Variants in DNAH11 observed in about 807,000 individuals in gnomAD.
DNAH11 encodes axonemal beta dynein heavy chain 11.
DNAH11 carries 442 observed loss-of-function variants against 526.0 expected under a neutral mutation model. That is an observed-to-expected ratio of 0.84 (90% CI 0.78 to 0.91). The LOEUF is 0.91. Among genes scored for constraint, DNAH11 ranks in the 40% least tolerant of loss-of-function variants. The pLI, the probability that DNAH11 is intolerant of heterozygous loss-of-function variation, is 0.00. For synonymous variants in DNAH11, 2,461 were observed against 1,935.9 expected, an observed-to-expected ratio of 1.27 and a Z score of -7.12; for missense variants, 6,989 against 5,448.7, an observed-to-expected ratio of 1.28 and a Z score of -8.90.
rs73279889 is a variant in DNAH11, at chr7:21,884,794, T to A, written c.12507+384T>A. ...GCCACTAGGTTGGCACAGGCAAGAG[T>A]TTTGTGCGTCTTTTGATAGAAGTCT... is the stretch of plus-strand genomic sequence containing the variant. On this transcript the variant is annotated intron_variant, in intron 76 of 81. Coordinates refer to ENST00000409508, the MANE Select transcript of DNAH11 (RefSeq NM_001277115.2). 3.8e-3 allele frequency among the ~76,000 whole-genome samples: 574 copies of A among 152,212 alleles called. 1 individual carries two copies. The highest frequency in any genetic ancestry group is 0.013 in the African/African-American group (534 of 41,540).
At chr7:21,685,138 T>C (rs377212830) in intron 32 of DNAH11, among the ~76,000 whole-genome samples, 3 of 152,376 alleles carry the variant, frequency 2.0e-5, no homozygotes, top group East Asian at 3.9e-4. Context: ...CTAACTTGTC[T>C]CTGATTAAAA....
At position 21,545,166 on chromosome 7, in the gene DNAH11, A is replaced by C. The variant is rs766688633; in HGVS notation, c.495+17A>C. 50 of 1,588,326 alleles carry C rather than the reference A, an allele frequency of 3.1e-5. No individual in the cohort carries two copies. Among genetic ancestry groups the C allele is most frequent in the Non-Finnish European group, 4.2e-5 (49 of 1,167,212 alleles). ...CTTGATGAGGTACTGGTCTGTCTTTAATATTTAAAGCTTTCACTTATCTCC... is the reference window on the plus strand; with the variant it reads ...CTTGATGAGGTACTGGTCTGTCTTTCATATTTAAAGCTTTCACTTATCTCC... On this transcript the variant is annotated intron_variant, in intron 2 of 81. Coordinates refer to ENST00000409508, the MANE Select transcript of DNAH11 (RefSeq NM_001277115.2).
Position 21,894,673 on chromosome 7 carries a change from C to A in DNAH11, c.12801C>A (p.Asn4267Lys), listed in dbSNP as rs375975851. 3 of 1,613,980 alleles carry A rather than the reference C, an allele frequency of 1.9e-6. No individual in the cohort carries two copies. The highest frequency in any genetic ancestry group is 2.5e-6 in the Non-Finnish European group (3 of 1,179,866). ...TGGAGAAACTTCCAGAAGAGTTCAACATGGCAGAGATAATGCAAAAAAATT... is the reference window on the plus strand; with the variant it reads ...TGGAGAAACTTCCAGAAGAGTTCAAAATGGCAGAGATAATGCAAAAAAATT... Reference protein sequence around the residue: ...DILEKLPEEFNMAEIMQKNSN... With the variant: ...DILEKLPEEFKMAEIMQKNSN... Residue 4267 changes from asparagine to lysine, a missense_variant, in exon 78 of 82, where the codon AAC becomes AAA. Coordinates refer to ENST00000409508, the MANE Select transcript of DNAH11 (RefSeq NM_001277115.2).
At chr7:21,848,372 T>C (rs1312906126) in intron 66 of DNAH11, among the ~76,000 whole-genome samples, 1 of 152,054 alleles carries the variant, frequency 6.6e-6, no homozygotes, top group Non-Finnish European at 1.5e-5. Flanking sequence ...AATTTTTATA[T>C]TTAAAGTGGG....
intron 9 of DNAH11, among the ~76,000 whole-genome samples, chr7:21,585,530 C>G (rs1162126370): frequency 1.3e-5 from 2 of 152,164 alleles, no homozygotes; most frequent in South Asian, 2.1e-4. Context: ...CTATTCTACT[C>G]TAATATAAAA....
chr7:21,691,077 A>G (rs1031213238), intron 35 of DNAH11, among the ~76,000 whole-genome samples, 196 bp downstream of exon 35: 14 of 152,172 alleles, frequency 9.2e-5, no homozygotes, highest in African/African-American at 3.1e-4. Context: ...AGGACTCAAA[A>G]TCAGTATTTA....
rs1784654067 is a variant in DNAH11, at chr7:21,590,982, C to T, written c.2234C>T (p.Ser745Leu). 2.6e-6 allele frequency: 4 copies of T among 1,517,974 alleles called. No individual in the cohort carries two copies. Among genetic ancestry groups the T allele is most frequent in the African/African-American group, 1.4e-5 (1 of 69,226 alleles). The allele number at this position is 1,517,974 out of a possible 1,614,324, so 94.0% of individuals were successfully genotyped here. Reference protein sequence around the residue: ...LMLKKQDIPDSALAIFKKRNT... With the variant: ...LMLKKQDIPDLALAIFKKRNT... ...TTGAAGAAACAAGACATACCAGATT[C>T]AGCTTTAGCCATCTTCAAGAAAAGG... is the stretch of plus-strand genomic sequence containing the variant. The change falls in exon 13 of 82, where the codon TCA becomes TTA. Residue 745 changes from serine to leucine, a missense_variant. Physicochemically the swap from Ser to Leu is moderately radical, Grantham distance 145. Transcript: ENST00000409508.
rs565458206 is a variant in DNAH11, at chr7:21,864,689, G to A, written c.11496+32G>A. The stretch of plus-strand genomic sequence containing the variant: ...TAGGAATACAGTTTCTCAAATTCTG[G>A]ATCTTATTTAAAATATTAGCTCTCT... On this transcript the variant is annotated intron_variant, in intron 70 of 81. Transcript: ENST00000409508. 701 of 1,543,200 alleles carry A rather than the reference G, an allele frequency of 4.5e-4. 11 individuals carry two copies. The South Asian group carries it at 8.4e-3, about 18-fold the overall frequency.
At position 21,866,483 on chromosome 7, in the gene DNAH11, T is replaced by A. The variant is rs753898160; in HGVS notation, c.11510T>A (p.Met3837Lys). ...ATCATATTACAGGCAATTGCCGTCATGGAAGAATTTCGAGGCATAGACCGA... is the reference window on the plus strand; with the variant it reads ...ATCATATTACAGGCAATTGCCGTCAAGGAAGAATTTCGAGGCATAGACCGA... ...SWSAIKAIAV[M>K]EEFRGIDRDV... Residue 3837 changes from methionine (M) to lysine (K), a missense_variant, in exon 71 of 82, where the codon ATG (methionine) becomes AAG (lysine). Coordinates refer to ENST00000409508, the MANE Select transcript of DNAH11 (RefSeq NM_001277115.2). 4 of 1,611,022 alleles carry A rather than the reference T, an allele frequency of 2.5e-6. No individual in the cohort carries two copies. In the South Asian group the frequency reaches 4.4e-5, roughly 18 times the overall value.
chr7:21,748,015 C>A (rs535786151), intron 51 of DNAH11, among the ~76,000 whole-genome samples: 5 of 152,268 alleles, frequency 3.3e-5, no homozygotes. Flanking sequence ...GACAACAAAG[C>A]TCTAAGAGAA....
intron 28 of DNAH11, among the ~76,000 whole-genome samples, chr7:21,650,999 T>A (rs889103570): frequency 2.0e-5 from 3 of 151,734 alleles, no homozygotes; most frequent in African/African-American, 7.3e-5. Context: ...TTTTGACACA[T>A]TGACTTAAGT....
intron 29 of DNAH11, among the ~76,000 whole-genome samples, chr7:21,656,409 T>C (rs1782017471): frequency 6.6e-6 from 1 of 152,166 alleles, no homozygotes; most frequent in Non-Finnish European, 1.5e-5. Context: ...CAGTAGTCCA[T>C]TGTGAATGTT....
chr7:21,676,121 G>A (rs2128470743), intron 30 of DNAH11, among the ~76,000 whole-genome samples: 1 of 152,248 alleles, frequency 6.6e-6, no homozygotes, highest in Non-Finnish European at 1.5e-5. Flanking sequence ...AAGACTTTGT[G>A]CTCCAGGAAC....
At chr7:21,846,486 C>T (rs1782425943) in intron 66 of DNAH11, among the ~76,000 whole-genome samples, 1 of 152,102 alleles carries the variant, frequency 6.6e-6, no homozygotes, top group South Asian at 2.1e-4. Context: ...GATATGACTA[C>T]ATTTTTCTTC....
intron 2 of DNAH11, among the ~76,000 whole-genome samples, chr7:21,549,584 A>G (rs1248060969): frequency 6.6e-6 from 1 of 152,056 alleles, no homozygotes; most frequent in Non-Finnish European, 1.5e-5. Context: ...TATAACCGAG[A>G]TGCTACTTTT....
intron 2 of DNAH11, among the ~76,000 whole-genome samples, chr7:21,556,612 G>C (rs1783226491): frequency 6.6e-6 from 1 of 152,146 alleles, no homozygotes; most frequent in South Asian, 2.1e-4. Flanking sequence ...TATACAGAGA[G>C]TTTGTTACCC....
intron 32 of DNAH11, 64 bp from the exon 33 acceptor site, chr7:21,687,035 G>T: frequency 6.8e-7 from 1 of 1,480,328 alleles, no homozygotes; most frequent in Admixed American, 2.2e-5. Context: ...CTAATGTATT[G>T]CCTCTGATGT....
intron 37 of DNAH11, among the ~76,000 whole-genome samples, chr7:21,704,114 A>G (rs1046005448): frequency 6.6e-6 from 1 of 152,194 alleles, no homozygotes; most frequent in East Asian, 1.9e-4. Context: ...GATTAATTTA[A>G]ATTCTGGAGT....
chr7:21,547,207 A>G (rs1440227369), intron 2 of DNAH11, among the ~76,000 whole-genome samples: 1 of 152,188 alleles, frequency 6.6e-6, no homozygotes. Flanking sequence ...TAGCTGTTTG[A>G]GTTACGAATT....
Sources: allele counts gnomAD v4.1 joint callset (sites outside exome capture counted in the v4.1 genomes callset), GRCh38; gene constraint gnomAD v4.1.1; transcripts MANE v1.5; gene names NCBI Gene and HGNC (gene_info 2026-07-23, HGNC 2026-07-21).